LRRC49: variants seen among roughly 807,000 people sequenced by gnomAD.
The protein encoded by LRRC49 is leucine-rich repeat-containing protein 49.
LRRC49 carries 50 observed loss-of-function variants against 83.3 expected under a neutral mutation model. That is an observed-to-expected ratio of 0.60 (90% confidence interval 0.48 to 0.76). The LOEUF (loss-of-function observed/expected upper bound fraction) is 0.76. Ranked by LOEUF, LRRC49 falls within the 30% of genes least tolerant of loss-of-function variation. The pLI, the probability that LRRC49 is intolerant of heterozygous loss-of-function variation, is 0.00. For missense variants in LRRC49, 704 were observed against 809.1 expected, an observed-to-expected ratio of 0.87 and a Z score of 1.58; for synonymous variants, 286 against 283.3, an observed-to-expected ratio of 1.01 and a Z score of -0.10.
chr15:70,910,734 G>A (rs970174983), intron 5 of LRRC49, among the ~76,000 whole-genome samples: 4 of 152,048 alleles, frequency 2.6e-5, no homozygotes, highest in East Asian at 1.9e-4. Flanking sequence ...TAGTATGTTC[G>A]TTCATTCATT....
At chr15:70,994,037 G>T (rs1002663375) in intron 11 of LRRC49, among the ~76,000 whole-genome samples, 1 of 152,080 alleles carries the variant, frequency 6.6e-6, no homozygotes, top group Non-Finnish European at 1.5e-5. Flanking sequence ...AAAAGAGGCA[G>T]GGTTTCACCA....
intron 1 of LRRC49, among the ~76,000 whole-genome samples, chr15:70,861,991 C>T (rs1290112082): frequency 6.6e-6 from 1 of 152,092 alleles, no homozygotes; most frequent in East Asian, 1.9e-4. Context: ...GGCGAGTGAT[C>T]AGTAACAGCA....
chr15:70,964,283 C>T (rs148099257), intron 9 of LRRC49, among the ~76,000 whole-genome samples: 1 of 152,074 alleles, frequency 6.6e-6, no homozygotes, highest in Non-Finnish European at 1.5e-5. Context: ...AGATTGCCTG[C>T]GTCTGAATTC....
At chr15:70,971,681 G>T (rs2037005787) in intron 9 of LRRC49, among the ~76,000 whole-genome samples, 1 of 151,870 alleles carries the variant, frequency 6.6e-6, no homozygotes, top group Admixed American at 6.6e-5. Flanking sequence ...ATTTAGGATG[G>T]TTAGTTCTTC....
At chr15:70,855,181 A>C (rs966429897) in intron 1 of LRRC49, among the ~76,000 whole-genome samples, 4 of 152,046 alleles carry the variant, frequency 2.6e-5, no homozygotes, top group Admixed American at 2.6e-4. Flanking sequence ...AAAAAAATAC[A>C]AAAATTAGCT....
At chr15:71,037,396 G>A in intron 15 of LRRC49, 64 bp downstream of exon 15, 1 of 1,358,262 alleles carries the variant, frequency 7.4e-7, no homozygotes. Context: ...TTGGAATTTG[G>A]GGGTTGTACA....
intron 7 of LRRC49, among the ~76,000 whole-genome samples, chr15:70,926,423 A>G (rs1451467453): frequency 1.3e-5 from 2 of 152,100 alleles, no homozygotes; most frequent in Non-Finnish European, 2.9e-5. Flanking sequence ...AAATGCTCTC[A>G]TTTCTCTTAG....
At chr15:71,044,046 A>T (rs1014640735) in intron 15 of LRRC49, among the ~76,000 whole-genome samples, 2 of 152,168 alleles carry the variant, frequency 1.3e-5, no homozygotes, top group Non-Finnish European at 2.9e-5. Flanking sequence ...TGCTCATTTT[A>T]GTTGCTGATC....
intron 5 of LRRC49, among the ~76,000 whole-genome samples, chr15:70,907,250 A>G (rs1267653514): frequency 6.6e-6 from 1 of 152,202 alleles, no homozygotes; most frequent in African/African-American, 2.4e-5. Context: ...TCCTTCCCAC[A>G]TTACAAAGCT....
chr15:70,934,113 G>A (rs565708121), intron 7 of LRRC49, among the ~76,000 whole-genome samples: 1 of 152,226 alleles, frequency 6.6e-6, no homozygotes, highest in African/African-American at 2.4e-5. Context: ...TCTCCTAGAT[G>A]ATGAATTGTA....
At chr15:70,949,236 A>G (rs554251504) in intron 8 of LRRC49, among the ~76,000 whole-genome samples, 1 of 152,296 alleles carries the variant, frequency 6.6e-6, no homozygotes, top group Non-Finnish European at 1.5e-5. Flanking sequence ...ACACATACCT[A>G]TATAGTCATA....
At chr15:71,048,349 C>G (rs145772870) in intron 15 of LRRC49, among the ~76,000 whole-genome samples, 1,878 of 152,196 alleles carry the variant, frequency 0.012, 16 homozygotes, top group South Asian at 0.043. Context: ...CCTGCCTTGG[C>G]CTCCCAAAGT....
At chr15:70,957,113 G>A (rs961055333) in intron 8 of LRRC49, among the ~76,000 whole-genome samples, 9 of 152,182 alleles carry the variant, frequency 5.9e-5, no homozygotes, top group Non-Finnish European at 1.3e-4. Flanking sequence ...TTAGTTTTGT[G>A]TGTGACACCA....
chr15:70,982,776 T>C (rs1567082234), intron 10 of LRRC49, among the ~76,000 whole-genome samples: 1 of 152,098 alleles, frequency 6.6e-6, no homozygotes, highest in Non-Finnish European at 1.5e-5. Context: ...ACCACTGCAC[T>C]CCCCCAGAAA....
In LRRC49 at chr15:70,900,948, T is replaced by C; in HGVS notation, c.220T>C (p.Ser74Pro). 1.2e-6 allele frequency: 2 copies of C among 1,608,048 alleles called. No homozygotes were observed. The highest frequency in any genetic ancestry group is 1.7e-6 in the Non-Finnish European group (2 of 1,175,742). ...TGATCATATTAATTTGGTGAGCTCA[T>C]CATTGTCATCATTTCCTATTCTTCA... ...QGDHINLVSS[S>P]LSSFPILQRS... Residue 74 changes from serine to proline, a missense_variant, in exon 4 of 16, where the codon TCA (serine) becomes CCA (proline). Transcript: ENST00000260382.
At chr15:71,002,994 A>ATGGT (rs2038320116) in intron 11 of LRRC49, among the ~76,000 whole-genome samples, 1 of 120,294 alleles carries the variant, frequency 8.3e-6, no homozygotes, top group Non-Finnish European at 1.6e-5. Flanking sequence ...CTGGAGCGCA[A>ATGGT]TGGTGCAATC....
chr15:70,858,787 C>T, intron 1 of LRRC49: 1 of 946,216 alleles, frequency 1.1e-6, no homozygotes, highest in Middle Eastern at 2.2e-4. Flanking sequence ...GCTGCTCCTA[C>T]ACAAGTGGGC....
chr15:70,853,745 C>T, intron 1 of LRRC49: 1 of 557,720 alleles, frequency 1.8e-6, no homozygotes, highest in Non-Finnish European at 2.6e-6. Flanking sequence ...GACTCAGGGG[C>T]TCGGCCCGGA....
intron 14 of LRRC49, among the ~76,000 whole-genome samples, chr15:71,015,911 G>A (rs1427475183): frequency 6.6e-6 from 1 of 152,146 alleles, no homozygotes; most frequent in African/African-American, 2.4e-5. Flanking sequence ...TCCATCAATA[G>A]AGCGAGACGA....
Sources: allele counts gnomAD v4.1 joint callset (sites outside exome capture counted in the v4.1 genomes callset), GRCh38; gene constraint gnomAD v4.1.1; transcripts MANE v1.5; gene names NCBI Gene and HGNC (gene_info 2026-07-23, HGNC 2026-07-21).